The following ZFAND1 variants were observed in gnomAD, a reference collection of about 807,000 sequenced individuals.
The protein encoded by ZFAND1 is zinc finger AN1-type containing 1.
ZFAND1 carries 40 observed loss-of-function variants against 38.5 expected under a neutral mutation model. The ratio of observed to expected loss-of-function variants is 1.04; its 90% CI spans 0.81 to 1.35. The LOEUF is 1.35. Among genes scored for constraint, ZFAND1 ranks in the 40% most tolerant of loss-of-function variants. ZFAND1 has a pLI of 0.00. For missense variants in ZFAND1, 346 were observed against 316.3 expected, an observed-to-expected ratio of 1.09 and a Z score of -0.71; for synonymous variants, 117 against 103.6, an observed-to-expected ratio of 1.13 and a Z score of -0.78.
rs1808251265 is a variant in ZFAND1, at chr8:81,714,829, A to G, written c.333T>C (p.Thr111=). The G allele has an allele frequency of 6.2e-7, 1 of 1,614,072 alleles. No homozygotes were observed. The highest frequency in any genetic ancestry group is 1.3e-5 in the African/African-American group (1 of 75,056). The change falls in exon 5 of 8, where the codon ACT becomes ACC. Residue 111 remains threonine (T), a synonymous_variant. Coordinates refer to ENST00000220669, the MANE Select transcript of ZFAND1 (RefSeq NM_024699.3). ...LEIPKPRMAA[T]QKLVKDIIDS... ...CAATAATGTCTTTAACAAGTTTCTG[A>G]GTGGCAGCCATTCGAGGCTTTGGGA...
intron 1 of ZFAND1, 133 bp downstream of exon 1, chr8:81,721,094 A>C (rs1198721575): frequency 1.3e-5 from 11 of 854,196 alleles, no homozygotes; most frequent in African/African-American, 1.7e-5. Context: ...CCCCAGAAGA[A>C]ACGCTCCCAC....
intron 6 of ZFAND1, among the ~76,000 whole-genome samples, 186 bp downstream of exon 6, chr8:81,713,732 C>T (rs1378608107): frequency 6.6e-6 from 1 of 152,094 alleles, no homozygotes; most frequent in East Asian, 1.9e-4. Context: ...ATATGGTTCA[C>T]TATCATGTCT....
At chr8:81,720,238 C>G (rs1277701912) in intron 1 of ZFAND1, among the ~76,000 whole-genome samples, 1 of 152,146 alleles carries the variant, frequency 6.6e-6, no homozygotes, top group African/African-American at 2.4e-5. Flanking sequence ...CAAAAACTTG[C>G]CTTTTCAAGG....
Position 81,702,574 on chromosome 8 carries a change from A to T in ZFAND1, c.*121T>A. 1 of 819,122 alleles carries T rather than the reference A, an allele frequency of 1.2e-6. No homozygotes were observed. Among genetic ancestry groups the T allele is most frequent in the East Asian group, 3.2e-5 (1 of 31,350 alleles). The allele number at this position is 819,122 out of a possible 1,614,324, so 50.7% of individuals were successfully genotyped here. On this transcript the variant is annotated 3_prime_UTR_variant, in exon 8 of 8. Transcript: ENST00000220669. ...AACTCATAATTTAAAATGTGACATAAGGGGAAATAAGTTAAAAAGCAACTT... is the reference window on the plus strand; with the variant it reads ...AACTCATAATTTAAAATGTGACATATGGGGAAATAAGTTAAAAAGCAACTT...
intron 1 of ZFAND1, among the ~76,000 whole-genome samples, chr8:81,719,202 C>T (rs1369883510): frequency 1.3e-5 from 2 of 151,980 alleles, no homozygotes; most frequent in Non-Finnish European, 2.9e-5. Flanking sequence ...GGCACAGTGG[C>T]TTAAGCCTGT....
chr8:81,703,181 T>G (rs1807865646), intron 6 of ZFAND1, 57 bp from the exon 7 acceptor site: 1 of 1,264,040 alleles, frequency 7.9e-7, no homozygotes, highest in Non-Finnish European at 1.1e-6. Context: ...CATCAGTTTT[T>G]GTCTGGTGCC....
intron 6 of ZFAND1, among the ~76,000 whole-genome samples, chr8:81,710,745 G>T (rs533652797): frequency 6.6e-6 from 1 of 152,040 alleles, no homozygotes; most frequent in Non-Finnish European, 1.5e-5. Context: ...ATTCAAAATA[G>T]GGTTAAAGGC....
In ZFAND1 at chr8:81,715,018, A is replaced by C; in HGVS notation, c.235T>G (p.Cys79Gly). 1.2e-6 allele frequency: 2 copies of C among 1,614,136 alleles called. No homozygotes were observed. Among genetic ancestry groups the C allele is most frequent in the South Asian group, 2.2e-5 (2 of 91,080 alleles). The change falls in exon 4 of 8, where the codon TGT becomes GGT. Residue 79 changes from cysteine (C) to glycine (G), a missense_variant. Cys to Gly is a radical substitution (Grantham distance 159, BLOSUM62 -3). Coordinates refer to ENST00000220669, the MANE Select transcript of ZFAND1 (RefSeq NM_024699.3). The stretch of plus-strand genomic sequence containing the variant: ...CAAAAATTCTTCTCACAATAAGGAC[A>C]TATAACTGCCACAAGTTCTCTCTCA... ...CAERELVAVICPYCEKNFCLR... is the reference protein window; with the variant it reads ...CAERELVAVIGPYCEKNFCLR...
At position 81,701,850 on chromosome 8, in the gene ZFAND1, G is replaced by T. The variant is rs1807821467; in HGVS notation, c.*845C>A. 1 of 152,114 alleles carries T rather than the reference G, an allele frequency of 6.6e-6. No homozygotes were observed. The highest frequency in any genetic ancestry group is 2.4e-5 in the African/African-American group (1 of 41,410). The allele number at this position is 152,114 out of a possible 1,614,324, so 9.4% of individuals were successfully genotyped here. ...ATTCTGTCTATATAGTAGTAGTTTT[G>T]GGGGTATAGATAGTAAACACTAGTC... On this transcript the variant is annotated 3_prime_UTR_variant, in exon 8 of 8. Coordinates refer to ENST00000220669, the MANE Select transcript of ZFAND1 (RefSeq NM_024699.3).
intron 4 of ZFAND1, 27 bp from the exon 5 acceptor site, chr8:81,714,922 G>A (rs772138026): frequency 1.9e-6 from 3 of 1,613,878 alleles, no homozygotes; most frequent in Non-Finnish European, 2.5e-6. Context: ...AGTGACACTA[G>A]TTCATGTGTT....
At chr8:81,703,432 T>C (rs910544403) in intron 6 of ZFAND1, among the ~76,000 whole-genome samples, 3 of 152,156 alleles carry the variant, frequency 2.0e-5, no homozygotes, top group African/African-American at 7.2e-5. Flanking sequence ...TATTTATTTA[T>C]TTATTTTTGA....
chr8:81,702,241 A>G lies in ZFAND1; in HGVS notation c.*454T>C, dbSNP rs1281485464. 1 of 152,550 alleles carries G rather than the reference A, an allele frequency of 6.6e-6. No individual in the cohort carries two copies. 9.4% of individuals were successfully genotyped at this position (152,550 alleles called of 1,614,324 possible). A position where few individuals can be genotyped will look rare whatever the true frequency, so the allele number is the denominator to read the frequency against. ...CCATGATGCTAGGCTTGGCCACATG[A>G]CTTGCTTAAAGCACGTATGATACAT... On this transcript the variant is annotated 3_prime_UTR_variant, in exon 8 of 8. Transcript: ENST00000220669.
At chr8:81,704,176 G>C (rs1441338376) in intron 6 of ZFAND1, among the ~76,000 whole-genome samples, 1 of 151,966 alleles carries the variant, frequency 6.6e-6, no homozygotes. Flanking sequence ...GAAAGGACTT[G>C]GAAAGGATTT....
intron 3 of ZFAND1, among the ~76,000 whole-genome samples, chr8:81,716,496 A>G (rs1056321060): frequency 2.6e-5 from 4 of 152,204 alleles, no homozygotes; most frequent in Non-Finnish European, 5.9e-5. Flanking sequence ...TTATTAAACT[A>G]TAGGTTTCTT....
chr8:81,713,972 C>T lies in ZFAND1; in HGVS notation c.426G>A (p.Lys142=). 1 of 1,612,716 alleles carries T rather than the reference C, an allele frequency of 6.2e-7. No homozygotes were observed. Among genetic ancestry groups the T allele is most frequent in the South Asian group, 1.1e-5 (1 of 90,760 alleles). ...KGAKNSETAA[K]VALMKLKMHA... is the part of the protein sequence containing the mutation. ...GCATCTTTAATTTCATCAATGCAAC[C>T]TTTGCAGCTGTTTCACTATTTTTGG... The change falls in exon 6 of 8, where the codon AAG becomes AAA. Residue 142 remains lysine (K), a synonymous_variant. Transcript: ENST00000220669.
intron 3 of ZFAND1, among the ~76,000 whole-genome samples, 187 bp from the exon 4 acceptor site, chr8:81,715,301 A>G (rs75414431): frequency 0.076 from 11,601 of 152,244 alleles, 598 homozygotes; most frequent in East Asian, 0.14. Context: ...CCACACTTTC[A>G]TAATTTTCCT....
In ZFAND1 at chr8:81,701,411, G is replaced by C. The variant is rs1034364997; in HGVS notation, c.*1284C>G. On this transcript the variant is annotated 3_prime_UTR_variant, in exon 8 of 8. Coordinates refer to ENST00000220669, the MANE Select transcript of ZFAND1 (RefSeq NM_024699.3). ...ACATAATGCTATTGCACATTAAATA[G>C]ACTATAGTATAGTGTAAACATAATT... 1.3e-5 allele frequency: 2 copies of C among 152,018 alleles called. No individual in the cohort carries two copies. The highest frequency in any genetic ancestry group is 1.3e-4 in the Admixed American group (2 of 15,252). 9.4% of individuals were successfully genotyped at this position (152,018 alleles called of 1,614,324 possible).
At chr8:81,713,444 C>A (rs1206251535) in intron 6 of ZFAND1, among the ~76,000 whole-genome samples, 2 of 151,872 alleles carry the variant, frequency 1.3e-5, no homozygotes, top group Non-Finnish European at 1.5e-5. Flanking sequence ...AACAGAATAA[C>A]AAATATCATA....
rs767982249 is a variant in ZFAND1 at position 81,702,975 on chromosome 8, T to C, written c.630A>G (p.Thr210=). ...ARLKNDNNKF[T]AKKLRLCHIT... Reference sequence around the variant, plus strand: ...TATTATAATGAGATGTTACCTTAGCTGTAAATTTGTTATTGTCATTTTTAA... The same window carrying C: ...TATTATAATGAGATGTTACCTTAGCCGTAAATTTGTTATTGTCATTTTTAA... Residue 210 remains threonine, a synonymous_variant, in exon 7 of 8, where the codon ACA becomes ACG. Transcript: ENST00000220669. 7.9e-6 allele frequency: 12 copies of C among 1,512,728 alleles called. No individual in the cohort carries two copies. In the East Asian group the frequency reaches 2.8e-4, roughly 36 times the overall value. 93.7% of individuals were successfully genotyped at this position (1,512,728 alleles called of 1,614,324 possible).
Sources: gnomAD v4.1 joint callset for allele counts (sites outside exome capture counted in the v4.1 genomes callset) on GRCh38, gnomAD v4.1.1 for gene constraint, MANE v1.5 for transcripts, NCBI Gene and HGNC (gene_info 2026-07-23, HGNC 2026-07-21) for gene names.